ADAMTSL1: variants seen among roughly 807,000 people sequenced by gnomAD.
ADAMTSL1 encodes ADAMTS-like protein 1.
Under a neutral mutation model 201.8 loss-of-function variants are expected in ADAMTSL1, and 126 were observed. The ratio of observed to expected loss-of-function variants is 0.62; its 90% CI spans 0.54 to 0.72. The LOEUF is 0.72. ADAMTSL1 is among the 30% of genes least tolerant of loss of function. The pLI is 0.00. For synonymous variants in ADAMTSL1, 1,121 were observed against 903.4 expected (o/e 1.24, Z -4.32); for missense variants, 2,679 against 2,277.8 (o/e 1.18, Z -3.59).
At chr9:18,324,772 A>G (rs1586897078) in intron 2 of ADAMTSL1, among the ~76,000 whole-genome samples, 1 of 152,220 alleles carries the variant, frequency 6.6e-6, no homozygotes, top group East Asian at 1.9e-4. Flanking sequence ...CTCAAAAAAA[A>G]AAAAAATACA....
intron 2 of ADAMTSL1, among the ~76,000 whole-genome samples, chr9:18,290,859 A>G (rs7862648): frequency 0.25 from 36,599 of 148,462 alleles, 5,100 homozygotes; most frequent in African/African-American, 0.38. Context: ...TTGGCTCACT[A>G]CAAGCTCTGC....
chr9:18,756,214 G>A (rs1819757828), intron 16 of ADAMTSL1, among the ~76,000 whole-genome samples: 2 of 138,590 alleles, frequency 1.4e-5, no homozygotes, highest in African/African-American at 2.7e-5. Context: ...AGGAGGCAGA[G>A]GTTGCAGTGA....
At chr9:18,004,586 A>C (rs1292834018) in intron 1 of ADAMTSL1, among the ~76,000 whole-genome samples, 1 of 152,064 alleles carries the variant, frequency 6.6e-6, no homozygotes, top group Non-Finnish European at 1.5e-5. Flanking sequence ...TCTCACACCC[A>C]TAGCATGACA....
At chr9:18,673,479 G>A (rs1406456473) in intron 9 of ADAMTSL1, among the ~76,000 whole-genome samples, 1 of 152,234 alleles carries the variant, frequency 6.6e-6, no homozygotes, top group Non-Finnish European at 1.5e-5. Flanking sequence ...GACAAATATA[G>A]CTATAGTTTT....
At chr9:18,102,804 T>A (rs1824588180) in intron 1 of ADAMTSL1, among the ~76,000 whole-genome samples, 1 of 152,196 alleles carries the variant, frequency 6.6e-6, no homozygotes, top group Non-Finnish European at 1.5e-5. Context: ...TAAAGGAATT[T>A]GTACTTAGCT....
intron 9 of ADAMTSL1, among the ~76,000 whole-genome samples, chr9:18,670,990 A>T (rs1450946923): frequency 6.6e-6 from 1 of 152,026 alleles, no homozygotes; most frequent in Non-Finnish European, 1.5e-5. Context: ...TCTCTAGATT[A>T]TGTATAATAC....
intron 1 of ADAMTSL1, among the ~76,000 whole-genome samples, chr9:18,038,351 C>T (rs1821291273): frequency 6.6e-6 from 1 of 152,088 alleles, no homozygotes; most frequent in East Asian, 1.9e-4. Flanking sequence ...AAAGCCAAAA[C>T]CAAAATCAAA....
intron 1 of ADAMTSL1, among the ~76,000 whole-genome samples, chr9:18,153,913 C>T (rs908389435): frequency 6.6e-5 from 10 of 151,950 alleles, no homozygotes; most frequent in South Asian, 4.2e-4. Context: ...TATCATTACA[C>T]GGCTTTAATG....
At chr9:18,607,750 C>G (rs920638667) in intron 4 of ADAMTSL1, among the ~76,000 whole-genome samples, 2 of 151,792 alleles carry the variant, frequency 1.3e-5, no homozygotes, top group Non-Finnish European at 2.9e-5. Context: ...ACAACAGTCC[C>G]CAGAGTGCGA....
intron 2 of ADAMTSL1, among the ~76,000 whole-genome samples, chr9:18,397,309 T>G (rs889096737): frequency 6.6e-6 from 1 of 152,304 alleles, no homozygotes; most frequent in Non-Finnish European, 1.5e-5. Flanking sequence ...GTGGTATAAT[T>G]CTTTTCAAGA....
At chr9:18,818,361 G>A (rs986186411) in intron 21 of ADAMTSL1, among the ~76,000 whole-genome samples, 5 of 152,120 alleles carry the variant, frequency 3.3e-5, no homozygotes, top group African/African-American at 9.7e-5. Context: ...TCATATGAAG[G>A]TTTACCTCAA....
At chr9:18,077,181 A>G (rs1823270893) in intron 1 of ADAMTSL1, among the ~76,000 whole-genome samples, 1 of 152,222 alleles carries the variant, frequency 6.6e-6, no homozygotes, top group Non-Finnish European at 1.5e-5. Flanking sequence ...AATTAGTGAT[A>G]GCATATAAAA....
intron 21 of ADAMTSL1, among the ~76,000 whole-genome samples, chr9:18,819,618 T>C (rs1239837855): frequency 1.3e-5 from 2 of 152,202 alleles, no homozygotes; most frequent in East Asian, 1.9e-4. Flanking sequence ...TAGGGCCCTC[T>C]CTCTGGGACT....
chr9:18,624,806 C>G (rs994816785), intron 5 of ADAMTSL1, among the ~76,000 whole-genome samples: 1 of 152,070 alleles, frequency 6.6e-6, no homozygotes, highest in African/African-American at 2.4e-5. Flanking sequence ...AAATAAATAC[C>G]TCAATGAAAA....
intron 1 of ADAMTSL1, among the ~76,000 whole-genome samples, chr9:18,085,640 A>ACG (rs765764376): frequency 6.9e-6 from 1 of 145,356 alleles, no homozygotes; most frequent in African/African-American, 2.7e-5. Flanking sequence ...GTGTGTGTAT[A>ACG]TATATACATA....
chr9:18,486,178 C>G (rs7864622), intron 1 of ADAMTSL1, among the ~76,000 whole-genome samples: 40,512 of 152,112 alleles, frequency 0.27, 6,080 homozygotes, highest in East Asian at 0.43. Context: ...TAATTTTATT[C>G]AAGGCCTCCC....
At chr9:18,098,264 C>G (rs1824341502) in intron 1 of ADAMTSL1, among the ~76,000 whole-genome samples, 1 of 151,770 alleles carries the variant, frequency 6.6e-6, no homozygotes, top group South Asian at 2.1e-4. Flanking sequence ...TTTGTTCTTC[C>G]TTTTTCAAGA....
intron 2 of ADAMTSL1, among the ~76,000 whole-genome samples, chr9:18,518,743 C>A (rs1818510626): frequency 6.6e-6 from 1 of 152,174 alleles, no homozygotes; most frequent in South Asian, 2.1e-4. Context: ...TATTCTCCCT[C>A]TGTCACCCAG....
At chr9:18,601,611 A>T (rs1824663131) in intron 4 of ADAMTSL1, among the ~76,000 whole-genome samples, 1 of 152,226 alleles carries the variant, frequency 6.6e-6, no homozygotes, top group African/African-American at 2.4e-5. Context: ...CCATGGGCAT[A>T]GTGCCAGGTC....
Sources: allele counts gnomAD v4.1 joint callset (sites outside exome capture counted in the v4.1 genomes callset), GRCh38; gene constraint gnomAD v4.1.1; transcripts MANE v1.5; gene names NCBI Gene and HGNC (gene_info 2026-07-23, HGNC 2026-07-21).